PIP5K1B: variants seen among roughly 807,000 people sequenced by gnomAD.
The protein encoded by PIP5K1B is phosphatidylinositol-4-phosphate 5-kinase type 1 beta, also known as phosphatidylinositol 4-phosphate 5-kinase type-1 beta.
PIP5K1B carries 42 observed loss-of-function variants against 67.0 expected under a neutral mutation model. That is an observed-to-expected ratio of 0.63 (90% CI 0.49 to 0.81). PIP5K1B has a LOEUF of 0.81. Among genes scored for constraint, PIP5K1B ranks in the 30% least tolerant of loss-of-function variants. The pLI, the probability that PIP5K1B is intolerant of heterozygous loss-of-function variation, is 0.00. For missense variants in PIP5K1B, 459 were observed against 646.3 expected (o/e 0.71, Z 3.14); for synonymous variants, 214 against 231.4 (o/e 0.92, Z 0.68).
In PIP5K1B at chr9:69,009,136, A is replaced by T. The variant is rs1475475502; in HGVS notation, c.*687A>T. On this transcript the variant is annotated 3_prime_UTR_variant, in exon 16 of 16. Coordinates refer to ENST00000265382, the MANE Select transcript of PIP5K1B (RefSeq NM_003558.4). ...AATTTATTTAGTAAATACTACTGTA[A>T]ACTATAGTTTTGTGAGAGAAATAAA... The T allele has an allele frequency of 1.3e-5, 2 of 152,642 alleles. No individual in the cohort carries two copies. The highest frequency in any genetic ancestry group is 2.4e-5 in the African/African-American group (1 of 41,458). The allele number at this position is 152,642 out of a possible 1,614,324, so 9.5% of individuals were successfully genotyped here. A position where few individuals can be genotyped will look rare whatever the true frequency, so the allele number is the denominator to read the frequency against.
chr9:68,734,887 C>T (rs1828648566), intron 1 of PIP5K1B, among the ~76,000 whole-genome samples: 1 of 152,216 alleles, frequency 6.6e-6, no homozygotes, highest in Non-Finnish European at 1.5e-5. Flanking sequence ...TGATACTGGG[C>T]AAATGGCAAA....
chr9:68,763,804 A>T (rs989449632), intron 2 of PIP5K1B, among the ~76,000 whole-genome samples: 1 of 152,112 alleles, frequency 6.6e-6, no homozygotes, highest in Non-Finnish European at 1.5e-5. Context: ...GAGGTGGTGT[A>T]TTTCCTTCCT....
chr9:68,825,991 C>A (rs1833958006), intron 4 of PIP5K1B, among the ~76,000 whole-genome samples: 1 of 152,178 alleles, frequency 6.6e-6, no homozygotes, highest in Non-Finnish European at 1.5e-5. Context: ...ATTATTGAGG[C>A]TGGCTGCCTT....
intron 4 of PIP5K1B, among the ~76,000 whole-genome samples, chr9:68,833,368 C>A (rs904744534): frequency 2.6e-5 from 4 of 151,964 alleles, no homozygotes; most frequent in Admixed American, 1.3e-4. Flanking sequence ...AGCCCTGAGG[C>A]AGGAAGGAGC....
intron 3 of PIP5K1B, among the ~76,000 whole-genome samples, chr9:68,819,099 G>A (rs961331196): frequency 6.6e-6 from 1 of 152,168 alleles, no homozygotes; most frequent in African/African-American, 2.4e-5. Context: ...TTTTAGTACA[G>A]TTTAGTACAT....
intron 14 of PIP5K1B, among the ~76,000 whole-genome samples, chr9:68,970,997 TATTG>T (rs909192133): frequency 3.5e-4 from 54 of 152,314 alleles, no homozygotes; most frequent in African/African-American, 1.0e-3. Flanking sequence ...TGTATTTATT[TATTG>T]ATTTATTTAT....
chr9:68,948,715 G>A (rs201317214), intron 14 of PIP5K1B, among the ~76,000 whole-genome samples: 20 of 145,418 alleles, frequency 1.4e-4, no homozygotes, highest in African/African-American at 1.0e-4. Flanking sequence ...CCCACCCCCA[G>A]AAAAAAAAAA....
chr9:69,000,563 C>T (rs1358779812), intron 15 of PIP5K1B, among the ~76,000 whole-genome samples: 1 of 152,116 alleles, frequency 6.6e-6, no homozygotes, highest in Non-Finnish European at 1.5e-5. Context: ...TCTGTTCTAG[C>T]CTTTCGCTGG....
chr9:68,988,741 G>T (rs1408306617), intron 14 of PIP5K1B, among the ~76,000 whole-genome samples: 1 of 151,506 alleles, frequency 6.6e-6, no homozygotes, highest in Admixed American at 6.6e-5. Context: ...GTGAGCCACC[G>T]CGCCCAGCCT....
chr9:68,722,685 T>C (rs1827948760), intron 1 of PIP5K1B, among the ~76,000 whole-genome samples: 1 of 151,258 alleles, frequency 6.6e-6, no homozygotes, highest in Non-Finnish European at 1.5e-5. Context: ...TAGTATATCA[T>C]ATAATATATA....
In PIP5K1B at chr9:68,746,569, C is replaced by A. The variant is rs114315458; in HGVS notation, c.-86+3912C>A. On this transcript the variant is annotated intron_variant, in intron 2 of 15. Transcript: ENST00000265382. ...GAGGCAAGTGGAGCAGAGGTGCCAC[C>A]CCATGTTACAGATACCCACACCAAG... Among the ~76,000 whole-genome samples, 1,204 of 152,258 alleles carry A rather than the reference C, an allele frequency of 7.9e-3. 15 individuals carry two copies. The highest frequency in any genetic ancestry group is 0.027 in the African/African-American group (1,137 of 41,532).
In PIP5K1B at chr9:68,807,395, C is replaced by T. The variant is rs547974931; in HGVS notation, c.-85-11066C>T. On this transcript the variant is annotated intron_variant, in intron 2 of 15. Coordinates refer to ENST00000265382, the MANE Select transcript of PIP5K1B (RefSeq NM_003558.4). ...CTTTGGACAAAATTTGTCTCCTGCT[C>T]AGTCCTTTTCTGCCCATAACAGCAT... is the stretch of plus-strand genomic sequence containing the variant. 3.9e-5 allele frequency among the ~76,000 whole-genome samples: 6 copies of T among 152,340 alleles called. No individual in the cohort carries two copies. The East Asian group carries it at 1.2e-3, about 29-fold the overall frequency.
chr9:68,762,273 G>A (rs887866489), intron 2 of PIP5K1B, among the ~76,000 whole-genome samples: 2 of 87,840 alleles, frequency 2.3e-5, no homozygotes, highest in Non-Finnish European at 4.5e-5. Context: ...TATCATAAAT[G>A]TTTGCCAAAG....
chr9:68,814,399 G>GT (rs767390374), intron 2 of PIP5K1B, among the ~76,000 whole-genome samples: 7 of 152,182 alleles, frequency 4.6e-5, no homozygotes, highest in Non-Finnish European at 8.8e-5. Flanking sequence ...ACAAAACATT[G>GT]TTATAGGCAT....
intron 15 of PIP5K1B, among the ~76,000 whole-genome samples, chr9:68,997,974 T>TC (rs1554754775): frequency 7.7e-6 from 1 of 130,046 alleles, no homozygotes; most frequent in Admixed American, 7.2e-5. Flanking sequence ...GCTTTTTTTC[T>TC]TTTTTTTTTT....
At chr9:68,967,985 A>C (rs1403029090) in intron 14 of PIP5K1B, among the ~76,000 whole-genome samples, 15 of 152,180 alleles carry the variant, frequency 9.9e-5, no homozygotes, top group Non-Finnish European at 1.5e-5. Context: ...CAACAGAAGA[A>C]AGGAGTGCTG....
chr9:68,918,487 C>T (rs1826211489), intron 9 of PIP5K1B, among the ~76,000 whole-genome samples: 1 of 152,176 alleles, frequency 6.6e-6, no homozygotes, highest in Admixed American at 6.5e-5. Flanking sequence ...TAGTCCTGCA[C>T]CCTGACAGAT....
At chr9:68,752,917 C>G (rs948225193) in intron 2 of PIP5K1B, among the ~76,000 whole-genome samples, 2 of 152,162 alleles carry the variant, frequency 1.3e-5, no homozygotes, top group African/African-American at 4.8e-5. Flanking sequence ...TTTTTCTCTA[C>G]GATTTTGGCT....
intron 4 of PIP5K1B, chr9:68,843,177 T>TA (rs2132162828): frequency 1.3e-5 from 2 of 152,342 alleles, no homozygotes; most frequent in South Asian, 4.1e-4. Flanking sequence ...CCTGATCCAT[T>TA]CTTTACACAA....
Sources: allele counts gnomAD v4.1 joint callset (sites outside exome capture counted in the v4.1 genomes callset), GRCh38; gene constraint gnomAD v4.1.1; transcripts MANE v1.5; gene names NCBI Gene and HGNC (gene_info 2026-07-23, HGNC 2026-07-21).